Variants in VIPR1 observed in about 807,000 individuals in gnomAD.
VIPR1 encodes vasoactive intestinal polypeptide receptor 1.
Under a neutral mutation model 58.8 loss-of-function variants are expected in VIPR1, and 59 were observed. The ratio of observed to expected loss-of-function variants is 1.00; its 90% CI spans 0.81 to 1.25. The LOEUF is 1.25. Among genes scored for constraint, VIPR1 ranks in the 50% most tolerant of loss-of-function variants. VIPR1 has a pLI of 0.00. For synonymous variants in VIPR1, 251 were observed against 242.1 expected, an observed-to-expected ratio of 1.04 and a Z score of -0.34; for missense variants, 626 against 602.7, an observed-to-expected ratio of 1.04 and a Z score of -0.40.
intron 6 of VIPR1, 158 bp downstream of exon 6, chr3:42,528,281 C>T (rs1577246757): frequency 3.0e-6 from 3 of 1,016,134 alleles, no homozygotes; most frequent in South Asian, 1.7e-5. Context: ...CCAACCCCAC[C>T]TGGCAGTACT....
At chr3:42,512,633 G>C (rs1239708546) in intron 1 of VIPR1, 1 of 608,836 alleles carries the variant, frequency 1.6e-6, no homozygotes, top group East Asian at 1.4e-4. Flanking sequence ...GGGAGGTAAG[G>C]ACCCTGTCCC....
At chr3:42,489,346 A>C (rs1295576472) in exon 1 of VIPR1, 1 of 152,174 alleles carries the variant, frequency 6.6e-6, no homozygotes, top group African/African-American at 2.4e-5. Flanking sequence ...CCACAGTTCC[A>C]GCAAAAGCCC....
intron 4 of VIPR1, 131 bp from the exon 5 acceptor site, chr3:42,527,262 G>A: frequency 1.3e-6 from 1 of 780,524 alleles, no homozygotes; most frequent in South Asian, 1.7e-5. Flanking sequence ...GGGAGCCCCA[G>A]ACCTCAGCCT....
At chr3:42,523,104 T>G (rs1701046541) in intron 3 of VIPR1, among the ~76,000 whole-genome samples, 1 of 144,952 alleles carries the variant, frequency 6.9e-6, no homozygotes, top group African/African-American at 2.7e-5. Context: ...CAGTGGAGTG[T>G]CCTTCCCAGC....
At chr3:42,502,872 G>A (rs1699932559) in intron 1 of VIPR1, 59 bp downstream of exon 1, 6 of 1,121,980 alleles carry the variant, frequency 5.3e-6, no homozygotes, top group Non-Finnish European at 5.6e-6. Context: ...GAGGGCGGGG[G>A]AGGTGGGGGA....
Position 42,527,510 on chromosome 3 carries a change from C to T in VIPR1, c.503+14C>T. 6.2e-7 allele frequency: 1 copy of T among 1,612,154 alleles called. No homozygotes were observed. The highest frequency in any genetic ancestry group is 1.7e-5 in the Admixed American group (1 of 60,004). On this transcript the variant is annotated intron_variant, in intron 5 of 12. Coordinates refer to ENST00000325123, the MANE Select transcript of VIPR1 (RefSeq NM_004624.4). ...GAGCCTGTTCAGGTGAGGCCCAGCC[C>T]AAGTCACAGGCCTCAAAGCAAACCT...
intron 3 of VIPR1, among the ~76,000 whole-genome samples, chr3:42,523,829 T>C (rs1701087985): frequency 6.6e-6 from 1 of 152,078 alleles, no homozygotes; most frequent in Non-Finnish European, 1.5e-5. Context: ...CTCTTTTTTT[T>C]TTCCCTGAGT....
chr3:42,532,576 C>T (rs1024432391), intron 10 of VIPR1: 1 of 583,812 alleles, frequency 1.7e-6, no homozygotes, highest in Non-Finnish European at 3.1e-6. Flanking sequence ...AGCATCCTTC[C>T]CAGGTATGCA....
At chr3:42,519,370 G>A (rs370269742) in intron 3 of VIPR1, 40 bp downstream of exon 3, 263 of 1,533,156 alleles carry the variant, frequency 1.7e-4, no homozygotes, top group African/African-American at 5.0e-4. Flanking sequence ...GAGTGGGGCC[G>A]GCTGGAGTGG....
chr3:42,493,782 C>T (rs979561262), intron 1 of VIPR1, among the ~76,000 whole-genome samples: 2 of 152,228 alleles, frequency 1.3e-5, no homozygotes, highest in African/African-American at 4.8e-5. Context: ...TTTCTCTGGG[C>T]GTTTCTTCAG....
rs745612996 is a variant in VIPR1, at chr3:42,531,786, C to T, written c.852-17C>T. 8 of 1,614,004 alleles carry T rather than the reference C, an allele frequency of 5.0e-6. No homozygotes were observed. The East Asian group carries it at 8.9e-5, about 18-fold the overall frequency. On this transcript the variant is annotated splice_polypyrimidine_tract_variant and intron_variant, in intron 8 of 12. Transcript: ENST00000325123. ...GCTGAGGACAATCCCTCTCATTCCT[C>T]CCCACGGTCTGCTCAGGTGCTGGGA...
At chr3:42,528,566 TC>T in intron 6 of VIPR1, 1 of 184,398 alleles carries the variant, frequency 5.4e-6, no homozygotes, top group Non-Finnish European at 1.2e-5. Context: ...CTTTTCCTAC[TC>T]CCCCCGTCCC....
intron 7 of VIPR1, 111 bp from the exon 8 acceptor site, chr3:42,531,360 C>A (rs1701538743): frequency 1.0e-5 from 12 of 1,164,918 alleles, no homozygotes. Context: ...GACAACCCAC[C>A]CTTTTCTCTC....
intron 3 of VIPR1, among the ~76,000 whole-genome samples, chr3:42,525,178 T>C (rs1293806563): frequency 6.6e-6 from 1 of 151,902 alleles, no homozygotes; most frequent in Non-Finnish European, 1.5e-5. Context: ...GTGGGGAGCC[T>C]CAGTGGTACC....
chr3:42,524,079 T>G (rs1034660941), intron 3 of VIPR1, among the ~76,000 whole-genome samples: 2 of 152,254 alleles, frequency 1.3e-5, no homozygotes, highest in Non-Finnish European at 2.9e-5. Context: ...CCTACCAAAC[T>G]GCTGGGATTA....
At chr3:42,502,896 G>T in intron 1 of VIPR1, 83 bp downstream of exon 1, 1 of 1,059,806 alleles carries the variant, frequency 9.4e-7, no homozygotes, top group Admixed American at 4.3e-5. Flanking sequence ...CGGGAGCCGG[G>T]CCGTCTGTGC....
chr3:42,499,506 G>T (rs2125626271), upstream of VIPR1, among the ~76,000 whole-genome samples: 1 of 152,334 alleles, frequency 6.6e-6, no homozygotes, highest in East Asian at 1.9e-4. Flanking sequence ...CTGACATCCA[G>T]AAGGGATATG....
At chr3:42,508,913 T>C (rs1700242206) in intron 1 of VIPR1, 1 of 152,174 alleles carries the variant, frequency 6.6e-6, no homozygotes, top group African/African-American at 2.4e-5. Flanking sequence ...GTCTCTTTTT[T>C]ACCCCATGAT....
At chr3:42,513,159 A>G (rs1482796099) in intron 1 of VIPR1, among the ~76,000 whole-genome samples, 1 of 152,134 alleles carries the variant, frequency 6.6e-6, no homozygotes, top group Non-Finnish European at 1.5e-5. Context: ...TTTAGAAACT[A>G]AAAAGGAGGC....
Sources: gnomAD v4.1 joint callset for allele counts (sites outside exome capture counted in the v4.1 genomes callset) on GRCh38, gnomAD v4.1.1 for gene constraint, MANE v1.5 for transcripts, NCBI Gene and HGNC (gene_info 2026-07-23, HGNC 2026-07-21) for gene names.